GPC5: variants seen among roughly 807,000 people sequenced by gnomAD.
The protein encoded by GPC5 is glypican 5, also known as glypican-5.
A neutral mutation model predicts 53.9 loss-of-function variants in GPC5; 47 were observed. The observed-to-expected ratio is 0.87, with a 90% CI of 0.69 to 1.11. The LOEUF (loss-of-function observed/expected upper bound fraction) is 1.11. Ranked by LOEUF, GPC5 falls within the 50% of genes most tolerant of loss-of-function variation. The pLI is 0.00. For synonymous variants in GPC5, 286 were observed against 263.3 expected (o/e 1.09, Z -0.84); for missense variants, 748 against 713.1 (o/e 1.05, Z -0.56).
At chr13:92,436,613 TCTCCTGTAAGC>T (rs1456264751) in intron 7 of GPC5, among the ~76,000 whole-genome samples, 91 of 152,290 alleles carry the variant, frequency 6.0e-4, no homozygotes, top group African/African-American at 2.2e-3. Context: ...TATAGTTTGC[TCTCCTGTAAGC>T]CTCCAATAAA....
chr13:92,668,258 TC>T (rs1201164391), intron 7 of GPC5, among the ~76,000 whole-genome samples: 2 of 152,158 alleles, frequency 1.3e-5, no homozygotes, highest in African/African-American at 4.8e-5. Context: ...GACTCTGAGT[TC>T]AAATGCATCA....
intron 7 of GPC5, among the ~76,000 whole-genome samples, chr13:92,671,718 T>C (rs1222183007): frequency 6.6e-6 from 1 of 152,224 alleles, no homozygotes; most frequent in African/African-American, 2.4e-5. Flanking sequence ...TAGGTATAAA[T>C]CTGTATATTC....
At chr13:92,546,326 T>TA (rs1882110113) in intron 7 of GPC5, among the ~76,000 whole-genome samples, 1 of 152,166 alleles carries the variant, frequency 6.6e-6, no homozygotes, top group Non-Finnish European at 1.5e-5. Context: ...AGTCTCAGGA[T>TA]AAAAAAATCA....
chr13:92,312,530 C>A (rs2139211839), intron 7 of GPC5, among the ~76,000 whole-genome samples: 1 of 152,140 alleles, frequency 6.6e-6, no homozygotes, highest in Non-Finnish European at 1.5e-5. Context: ...ATTTTGCCTT[C>A]AACATATATT....
At chr13:91,588,488 A>G (rs2032678406) in intron 2 of GPC5, among the ~76,000 whole-genome samples, 1 of 152,132 alleles carries the variant, frequency 6.6e-6, no homozygotes, top group Non-Finnish European at 1.5e-5. Context: ...GAGTTGGAGG[A>G]TTAGAGGAGA....
intron 6 of GPC5, among the ~76,000 whole-genome samples, chr13:91,909,189 A>C (rs2039585988): frequency 6.6e-6 from 1 of 152,236 alleles, no homozygotes; most frequent in Non-Finnish European, 1.5e-5. Flanking sequence ...CTATTGGAAA[A>C]GTCTAAGAGA....
intron 2 of GPC5, among the ~76,000 whole-genome samples, chr13:91,631,488 A>G (rs1452580490): frequency 6.6e-6 from 1 of 152,108 alleles, no homozygotes; most frequent in East Asian, 1.9e-4. Context: ...CATGCTTTAA[A>G]ACATCAAAAA....
rs143170292 is a variant in GPC5 at position 91,854,851 on chromosome 13, T to C, written c.1281-53086T>C. Among the ~76,000 whole-genome samples, 640 of 151,928 alleles carry C rather than the reference T, an allele frequency of 4.2e-3. 9 individuals are homozygous for C. Among genetic ancestry groups the C allele is most frequent in the African/African-American group, 0.015 (613 of 41,534 alleles). ...CAAATTTATACTGTTAATAGACATG[T>C]TTTCAACATTTGCTTAAAAAATAGG... On this transcript the variant is annotated intron_variant, in intron 5 of 7. Transcript: ENST00000377067.
At chr13:92,611,693 T>C (rs1261606679) in intron 7 of GPC5, among the ~76,000 whole-genome samples, 1 of 152,158 alleles carries the variant, frequency 6.6e-6, no homozygotes, top group Non-Finnish European at 1.5e-5. Context: ...ACTTATTTAA[T>C]GAATTTTGAA....
At chr13:92,560,857 ATGTGTGTGTGTGTGTG>A (rs34114433) in intron 7 of GPC5, among the ~76,000 whole-genome samples, 64 of 139,254 alleles carry the variant, frequency 4.6e-4, no homozygotes, top group Middle Eastern at 3.5e-3. Flanking sequence ...AGAAAATTAT[ATGTGTGTGTGTGTGTG>A]TGTGTGTGTG....
intron 6 of GPC5, among the ~76,000 whole-genome samples, chr13:91,972,959 C>G (rs1370443079): frequency 6.6e-6 from 1 of 152,114 alleles, no homozygotes; most frequent in Non-Finnish European, 1.5e-5. Flanking sequence ...AGTTGCTCTT[C>G]TCGAGGAGTA....
At chr13:92,152,365 G>A (rs906463058) in intron 7 of GPC5, among the ~76,000 whole-genome samples, 1 of 152,102 alleles carries the variant, frequency 6.6e-6, no homozygotes, top group African/African-American at 2.4e-5. Flanking sequence ...AATAAAAGCA[G>A]GACTCTTCAA....
intron 2 of GPC5, among the ~76,000 whole-genome samples, chr13:91,581,906 A>G (rs1240699631): frequency 6.6e-6 from 1 of 152,212 alleles, no homozygotes; most frequent in Admixed American, 6.5e-5. Flanking sequence ...AAACATTTAC[A>G]AACATTTGCT....
At position 91,448,899 on chromosome 13, in the gene GPC5, C is replaced by T; in HGVS notation, c.302C>T (p.Ser101Phe). 6.2e-7 allele frequency: 1 copy of T among 1,613,118 alleles called. No homozygotes were observed. The highest frequency in any genetic ancestry group is 8.5e-7 in the Non-Finnish European group (1 of 1,179,560). Residue 101 changes from serine (S) to phenylalanine (F), a missense_variant, in exon 2 of 8, where the codon TCT (serine) becomes TTT (phenylalanine). Coordinates refer to ENST00000377067, the MANE Select transcript of GPC5 (RefSeq NM_004466.6). ...AGCTCTACATTAAAGTTTCTAATAT[C>T]TCGAAATGCGGCTGCTTTTCAAGGT... ...TSSSTLKFLI[S>F]RNAAAFQETL...
At chr13:91,890,236 T>C (rs1373295601) in intron 5 of GPC5, among the ~76,000 whole-genome samples, 1 of 152,186 alleles carries the variant, frequency 6.6e-6, no homozygotes, top group African/African-American at 2.4e-5. Context: ...TGGTAGTTCT[T>C]GTTATCAGGC....
intron 2 of GPC5, among the ~76,000 whole-genome samples, chr13:91,623,902 G>A (rs2033932162): frequency 6.6e-6 from 1 of 151,924 alleles, no homozygotes; most frequent in Non-Finnish European, 1.5e-5. Flanking sequence ...AAGCAGGCAG[G>A]GAATATATTG....
intron 7 of GPC5, among the ~76,000 whole-genome samples, chr13:92,515,861 GA>G (rs1880756742): frequency 6.6e-6 from 1 of 151,998 alleles, no homozygotes; most frequent in Non-Finnish European, 1.5e-5. Context: ...AAGTAAGAAA[GA>G]AAAGTTTAAT....
At chr13:92,634,184 C>A (rs1371354225) in intron 7 of GPC5, among the ~76,000 whole-genome samples, 1 of 151,988 alleles carries the variant, frequency 6.6e-6, no homozygotes, top group Non-Finnish European at 1.5e-5. Context: ...CATAAATTTT[C>A]AGGTTTTTAA....
intron 7 of GPC5, among the ~76,000 whole-genome samples, chr13:92,597,794 T>C (rs960413371): frequency 2.0e-4 from 30 of 152,384 alleles, no homozygotes; most frequent in Admixed American, 6.5e-4. Flanking sequence ...AGCCCTTCTC[T>C]ATGCCTAAAA....
Sources: gnomAD v4.1 joint callset for allele counts (sites outside exome capture counted in the v4.1 genomes callset) on GRCh38, gnomAD v4.1.1 for gene constraint, MANE v1.5 for transcripts, NCBI Gene and HGNC (gene_info 2026-07-23, HGNC 2026-07-21) for gene names.